KLHL5: variants seen among roughly 807,000 people sequenced by gnomAD.
KLHL5 encodes the protein kelch like family member 5.
A neutral mutation model predicts 77.7 loss-of-function variants in KLHL5; 48 were observed. The observed-to-expected ratio is 0.62, with a 90% CI of 0.49 to 0.79. The LOEUF is 0.79. KLHL5 is among the 30% of genes least tolerant of loss of function. KLHL5 has a pLI of 0.00. For synonymous variants in KLHL5, 260 were observed against 297.0 expected (o/e 0.88, Z 1.28); for missense variants, 723 against 859.7 (o/e 0.84, Z 1.99).
chr4:39,065,195 C>T (rs535379020), intron 1 of KLHL5, among the ~76,000 whole-genome samples: 8 of 152,016 alleles, frequency 5.3e-5, no homozygotes, highest in African/African-American at 1.9e-4. Context: ...TTACATCTTC[C>T]TTCAACACCC....
chr4:39,071,278 T>C (rs1423344085), intron 1 of KLHL5, among the ~76,000 whole-genome samples: 1 of 152,188 alleles, frequency 6.6e-6, no homozygotes, highest in East Asian at 1.9e-4. Flanking sequence ...ACATGAATTC[T>C]GAATGCCACA....
chr4:39,099,687 A>T (rs946507762), intron 6 of KLHL5, among the ~76,000 whole-genome samples: 20 of 152,172 alleles, frequency 1.3e-4, no homozygotes, highest in Admixed American at 3.9e-4. Flanking sequence ...CTTACCAAGG[A>T]GCCCTTCCAT....
chr4:39,140,081 G>T, the KLHL5 span, among the ~76,000 whole-genome samples: 1 of 152,076 alleles, frequency 6.6e-6, no homozygotes, highest in African/African-American at 2.4e-5. Context: ...ACAAAAATTA[G>T]CAGGGTGTGG....
chr4:39,127,341 A>G (rs1219178109), downstream of KLHL5, among the ~76,000 whole-genome samples: 1 of 151,958 alleles, frequency 6.6e-6, no homozygotes, highest in Non-Finnish European at 1.5e-5. Flanking sequence ...GTTACAAATA[A>G]TACAACTTAA....
intron 1 of KLHL5, among the ~76,000 whole-genome samples, chr4:39,074,809 A>G (rs1718850976): frequency 6.6e-6 from 1 of 152,182 alleles, no homozygotes; most frequent in Non-Finnish European, 1.5e-5. Flanking sequence ...ATATGTCACA[A>G]CCATCATATC....
intron 5 of KLHL5, chr4:39,093,199 G>A (rs1013428806): frequency 6.6e-6 from 3 of 451,750 alleles, no homozygotes; most frequent in African/African-American, 6.0e-5. Context: ...CTGATACGAG[G>A]AGCTACAGCA....
Position 39,103,571 on chromosome 4 carries a change from T to G in KLHL5, c.1525+60T>G, listed in dbSNP as rs368144329. On this transcript the variant is annotated intron_variant, in intron 7 of 10. Transcript: ENST00000504108. ...ACATAGCTCCCACGGCACATTTACA[T>G]TCTGAACCAGGCAGAGGACCCGTGT... The G allele has an allele frequency of 1.7e-4, 242 of 1,396,138 alleles. No homozygotes were observed. The African/African-American group carries it at 3.1e-3, about 18-fold the overall frequency. The allele number at this position is 1,396,138 out of a possible 1,614,324, so 86.5% of individuals were successfully genotyped here.
upstream of KLHL5, among the ~76,000 whole-genome samples, chr4:39,062,015 C>T (rs563314543): frequency 3.3e-5 from 5 of 152,270 alleles, no homozygotes; most frequent in South Asian, 1.0e-3. Flanking sequence ...CATTCCCCAT[C>T]CAAAGAGCAC....
intron 6 of KLHL5, among the ~76,000 whole-genome samples, chr4:39,102,699 T>C (rs1721692913): frequency 6.6e-6 from 1 of 152,178 alleles, no homozygotes; most frequent in Non-Finnish European, 1.5e-5. Flanking sequence ...CTCTGAGTTT[T>C]CAAATTTTCA....
chr4:39,130,855 T>C (rs1010523776), downstream of KLHL5, among the ~76,000 whole-genome samples: 7 of 151,938 alleles, frequency 4.6e-5, no homozygotes, highest in Non-Finnish European at 8.8e-5. Context: ...TTTTTTTTTT[T>C]CTTTTGAGAC....
intron 7 of KLHL5, among the ~76,000 whole-genome samples, chr4:39,106,433 G>A (rs1722042453): frequency 6.6e-6 from 1 of 152,162 alleles, no homozygotes; most frequent in African/African-American, 2.4e-5. Flanking sequence ...CTGACTATAA[G>A]ATTTATGAGG....
rs74731394 is a variant in KLHL5 at position 39,102,551 on chromosome 4, C to T, written c.1301-736C>T. Among the ~76,000 whole-genome samples, 1,510 of 152,068 alleles carry T rather than the reference C, an allele frequency of 9.9e-3. 23 individuals carry two copies. Among genetic ancestry groups the T allele is most frequent in the African/African-American group, 0.034 (1,418 of 41,482 alleles). ...GTGAAAGACAGCTCTTCTGCCTATGCCCTGGATACTGTGCTTTCCTGCCTC... is the reference window on the plus strand; with the variant it reads ...GTGAAAGACAGCTCTTCTGCCTATGTCCTGGATACTGTGCTTTCCTGCCTC... On this transcript the variant is annotated intron_variant, in intron 6 of 10. Transcript: ENST00000504108.
At chr4:39,116,483 C>T (rs571584298) in intron 10 of KLHL5, among the ~76,000 whole-genome samples, 11 of 151,660 alleles carry the variant, frequency 7.3e-5, no homozygotes, top group African/African-American at 1.5e-4. Context: ...CCAAGTGATA[C>T]GGGAGATAAG....
chr4:39,048,996 T>A (rs146257091), intron 1 of KLHL5, among the ~76,000 whole-genome samples: 35 of 152,240 alleles, frequency 2.3e-4, no homozygotes, highest in African/African-American at 8.2e-4. Flanking sequence ...TCCACTGCTA[T>A]TTCATTGGCC....
At chr4:39,094,499 A>T (rs1273848235) in intron 5 of KLHL5, among the ~76,000 whole-genome samples, 1 of 151,782 alleles carries the variant, frequency 6.6e-6, no homozygotes, top group Admixed American at 6.6e-5. Context: ...AAAGAACTGA[A>T]TAAATTTGTC....
chr4:39,048,638 C>CT lies in KLHL5; in HGVS notation c.-95+3563dup, dbSNP rs34713116. ...AAAGGATGTGGTGATTTTACATTGG[C>CT]TTTTTTTTTTTTTTTTTTTTTGGAG... On this transcript the variant is annotated intron_variant, in intron 1 of 11. Coordinates refer to the KLHL5 transcript ENST00000261425. 2.4e-3 allele frequency among the ~76,000 whole-genome samples: 192 copies of CT among 79,126 alleles called. 4 individuals carry two copies. Among genetic ancestry groups the CT allele is most frequent in the Middle Eastern group, 9.6e-3 (1 of 104 alleles). The allele number at this position is 79,126 out of a possible 152,430, so 51.9% of individuals were successfully genotyped here.
chr4:39,059,291 ATAACT>A (rs1560405412), upstream of KLHL5, among the ~76,000 whole-genome samples: 6 of 152,290 alleles, frequency 3.9e-5, no homozygotes, highest in Middle Eastern at 3.4e-3. Flanking sequence ...ATAAAGACTG[ATAACT>A]TAATAGAAAA....
chr4:39,066,236 A>G (rs1292212365), intron 1 of KLHL5, among the ~76,000 whole-genome samples: 2 of 152,186 alleles, frequency 1.3e-5, no homozygotes, highest in African/African-American at 2.4e-5. Context: ...CTTTTATGTG[A>G]GCAATAGGAT....
At chr4:39,113,310 T>C (rs1283244084) in intron 9 of KLHL5, 78 bp downstream of exon 9, 2 of 1,145,938 alleles carry the variant, frequency 1.7e-6, no homozygotes, top group Non-Finnish European at 2.4e-6. Context: ...TTGGAGAACG[T>C]GTTGGAGAAT....
Sources: gnomAD v4.1 joint callset for allele counts (sites outside exome capture counted in the v4.1 genomes callset) on GRCh38, gnomAD v4.1.1 for gene constraint, MANE v1.5 for transcripts, NCBI Gene and HGNC (gene_info 2026-07-23, HGNC 2026-07-21) for gene names.